Variants in IQCB1 observed in about 807,000 individuals in gnomAD.
The protein encoded by IQCB1 is IQ calmodulin-binding motif-containing protein 1.
IQCB1 carries 56 observed loss-of-function variants against 84.4 expected under a neutral mutation model. That is an observed-to-expected ratio of 0.66 (90% CI 0.54 to 0.83). The LOEUF (loss-of-function observed/expected upper bound fraction) is 0.83. IQCB1 is among the 40% of genes least tolerant of loss of function. IQCB1 has a pLI of 0.00. For missense variants in IQCB1, 629 were observed against 682.1 expected (o/e 0.92, Z 0.87); for synonymous variants, 210 against 234.8 (o/e 0.89, Z 0.96).
chr3:121,806,458 T>C (rs1362598727), intron 7 of IQCB1, among the ~76,000 whole-genome samples: 3 of 152,158 alleles, frequency 2.0e-5, no homozygotes, highest in East Asian at 1.9e-4. Context: ...CCGAGCTTGC[T>C]AGTCACCTCC....
intron 7 of IQCB1, among the ~76,000 whole-genome samples, chr3:121,800,548 C>T (rs766307185): frequency 1.6e-4 from 24 of 151,756 alleles, no homozygotes; most frequent in Admixed American, 2.6e-4. Context: ...CATGCTATTC[C>T]CTATGCCTAG....
Position 121,772,733 on chromosome 3 carries a change from A to G in IQCB1, c.1411-20T>C. The G allele has an allele frequency of 6.2e-7, 1 of 1,613,726 alleles. No homozygotes were observed. Among genetic ancestry groups the G allele is most frequent in the Non-Finnish European group, 8.5e-7 (1 of 1,179,812 alleles). ...AGAGCCCTGGAAACACAGGACAGAA[A>G]AACCTGTCACAGAGAGGACATAGGT... is the stretch of plus-strand genomic sequence containing the variant. On this transcript the variant is annotated intron_variant, in intron 13 of 14. Coordinates refer to ENST00000310864, the MANE Select transcript of IQCB1 (RefSeq NM_001023570.4).
Position 121,808,997 on chromosome 3 carries a change from C to G in IQCB1, c.406G>C (p.Asp136His), listed in dbSNP as rs774439677. ...FINAAKAEEK[D>H]ELLHFFQIVT... Reference sequence around the variant, plus strand: ...ATTTGGAAAAAGTGTAGTAATTCATCTTTTTCTTCAGCCTTAACATAAAAG... The same window carrying G: ...ATTTGGAAAAAGTGTAGTAATTCATGTTTTTCTTCAGCCTTAACATAAAAG... The change falls in exon 6 of 15, where the codon GAT becomes CAT. Residue 136 changes from aspartate (D) to histidine (H), a missense_variant. By Grantham distance (81) the Asp-to-His change is moderately conservative (BLOSUM62 -1). Transcript: ENST00000310864. 3 of 1,600,304 alleles carry G rather than the reference C, an allele frequency of 1.9e-6. No individual in the cohort carries two copies. In the South Asian group the frequency reaches 3.3e-5, roughly 18 times the overall value.
In IQCB1 at chr3:121,781,777, T is replaced by C; in HGVS notation, c.1376A>G (p.Lys459Arg). 1.2e-6 allele frequency: 2 copies of C among 1,613,868 alleles called. No individual in the cohort carries two copies. Among genetic ancestry groups the C allele is most frequent in the Non-Finnish European group, 1.7e-6 (2 of 1,179,806 alleles). Residue 459 changes from lysine to arginine, a missense_variant, in exon 13 of 15, where the codon AAG becomes AGG. Lys to Arg is a conservative substitution (Grantham distance 26). Transcript: ENST00000310864. ...ELTDARRVEL[K>R]KRVDDYVRRH... is the part of the protein sequence containing the mutation. Reference sequence around the variant, plus strand: ...TCTGACATAGTCATCCACTCGTTTCTTCAGTTCAACTCGGCGTGCATCAGT... The same window carrying C: ...TCTGACATAGTCATCCACTCGTTTCCTCAGTTCAACTCGGCGTGCATCAGT...
rs760120237 is a variant in IQCB1 at position 121,828,875 on chromosome 3, A to G, written c.86T>C (p.Leu29Pro). ...KSPEQNVPVILLKLKEIINIT... is the reference protein window; with the variant it reads ...KSPEQNVPVIPLKLKEIINIT... ...GATTTTCTTACCTTTTAACTTCAAC[A>G]GTATAACAGGGACATTCTGCTCAGG... Residue 29 changes from leucine (L) to proline (P), a missense_variant, in exon 3 of 15, where the codon CTG (leucine) becomes CCG (proline). Coordinates refer to ENST00000310864, the MANE Select transcript of IQCB1 (RefSeq NM_001023570.4). 1.3e-6 allele frequency: 2 copies of G among 1,592,650 alleles called. No individual in the cohort carries two copies. The highest frequency in any genetic ancestry group is 3.3e-5 in the Admixed American group (2 of 59,974).
intron 5 of IQCB1, among the ~76,000 whole-genome samples, chr3:121,823,322 A>T (rs1950341628): frequency 6.6e-6 from 1 of 152,196 alleles, no homozygotes; most frequent in Non-Finnish European, 1.5e-5. Context: ...ATATGAATAC[A>T]TTAACTCAGA....
intron 13 of IQCB1, among the ~76,000 whole-genome samples, chr3:121,781,005 A>G (rs181633731): frequency 1.8e-3 from 270 of 152,364 alleles, no homozygotes; most frequent in Non-Finnish European, 2.3e-3. Flanking sequence ...ATTCTGATAG[A>G]TTGAAATGTA....
At chr3:121,817,197 G>T (rs1950097343) in intron 5 of IQCB1, among the ~76,000 whole-genome samples, 2 of 152,146 alleles carry the variant, frequency 1.3e-5, no homozygotes, top group Admixed American at 1.3e-4. Context: ...TCATAAGCGG[G>T]AGTTGAACAA....
Position 121,793,553 on chromosome 3 carries a change from G to A in IQCB1, c.986+1904C>T, listed in dbSNP as rs537252275. 1.1e-3 allele frequency among the ~76,000 whole-genome samples: 169 copies of A among 152,256 alleles called. 1 individual carries two copies. The highest frequency in any genetic ancestry group is 6.8e-3 in the Middle Eastern group (2 of 294). On this transcript the variant is annotated intron_variant, in intron 10 of 14. Coordinates refer to ENST00000310864, the MANE Select transcript of IQCB1 (RefSeq NM_001023570.4). ...GCATGAACTGTTACAACTAATAGAA[G>A]AGCGAAGGTGCTGAACTGGAGAAAA... is the stretch of plus-strand genomic sequence containing the variant.
intron 3 of IQCB1, 65 bp downstream of exon 3, chr3:121,828,796 A>T: frequency 8.9e-7 from 1 of 1,128,130 alleles, no homozygotes; most frequent in Non-Finnish European, 1.4e-6. Context: ...AAATGTTAAA[A>T]TTGTACCAAC....
At chr3:121,778,160 T>G (rs1948307251) in intron 13 of IQCB1, among the ~76,000 whole-genome samples, 1 of 152,152 alleles carries the variant, frequency 6.6e-6, no homozygotes, top group African/African-American at 2.4e-5. Flanking sequence ...CTCCTGGCCT[T>G]GGCATTCCAA....
At chr3:121,770,598 G>C (rs182873272) in intron 14 of IQCB1, 24 bp from the exon 15 acceptor site, 412 of 1,575,966 alleles carry the variant, frequency 2.6e-4, no homozygotes, top group Non-Finnish European at 3.4e-4. Flanking sequence ...AAAATAAACA[G>C]ATGAGCAGAA....
At chr3:121,774,072 G>GA (rs1948121796) in intron 13 of IQCB1, among the ~76,000 whole-genome samples, 1 of 136,544 alleles carries the variant, frequency 7.3e-6, no homozygotes, top group African/African-American at 2.7e-5. Flanking sequence ...AAAACAACCT[G>GA]ATTAAAAAAT....
chr3:121,796,041 A>G (rs757084220), intron 9 of IQCB1, among the ~76,000 whole-genome samples: 2 of 152,026 alleles, frequency 1.3e-5, no homozygotes, highest in Non-Finnish European at 2.9e-5. Flanking sequence ...TCTTGACTGA[A>G]TTCTGTCCCA....
At chr3:121,801,542 C>T (rs904305790) in intron 7 of IQCB1, among the ~76,000 whole-genome samples, 1 of 151,940 alleles carries the variant, frequency 6.6e-6, no homozygotes, top group African/African-American at 2.4e-5. Context: ...AAAACATTCA[C>T]CAAGTCATCA....
At chr3:121,785,434 T>C (rs1175733042) in intron 12 of IQCB1, among the ~76,000 whole-genome samples, 1 of 152,104 alleles carries the variant, frequency 6.6e-6, no homozygotes, top group Non-Finnish European at 1.5e-5. Context: ...TTTGTATTTT[T>C]AGTAGAGATG....
intron 10 of IQCB1, among the ~76,000 whole-genome samples, chr3:121,790,848 A>C (rs1301233896): frequency 6.6e-6 from 1 of 152,176 alleles, no homozygotes; most frequent in Non-Finnish European, 1.5e-5. Flanking sequence ...ATTACAGTTG[A>C]TCTTTATTTT....
In IQCB1 at chr3:121,788,449, CACT is replaced by C; in HGVS notation, c.1130-20_1130-18del. 6.2e-7 allele frequency: 1 copy of C among 1,609,508 alleles called. No individual in the cohort carries two copies. Among genetic ancestry groups the C allele is most frequent in the Non-Finnish European group, 8.5e-7 (1 of 1,176,218 alleles). ...CCACCTGACCTAAAAAGATGATAGA[CACT>C]ATTACAACATACTCACTGCCATGCT... On this transcript the variant is annotated intron_variant, in intron 11 of 14. Transcript: ENST00000310864.
At position 121,828,583 on chromosome 3, in the gene IQCB1, T is replaced by C. The variant is rs766911598; in HGVS notation, c.150A>G (p.Lys50=). 1.9e-5 allele frequency: 30 copies of C among 1,604,594 alleles called. 1 individual carries two copies. In the South Asian group the frequency reaches 2.3e-4, roughly 12 times the overall value. The change falls in exon 4 of 15, where the codon AAA becomes AAG. Residue 50 remains lysine (K), a synonymous_variant. Transcript: ENST00000310864. The part of the protein sequence containing the change: ...PLGSSELKKI[K]QDIYCYDLIQ... ...TGAGATCATAACAATATATATCTTG[T>C]TTGATTTTCTTCAACTCTGAGCTTC...
Sources: gnomAD v4.1 joint callset for allele counts (sites outside exome capture counted in the v4.1 genomes callset) on GRCh38, gnomAD v4.1.1 for gene constraint, MANE v1.5 for transcripts, NCBI Gene and HGNC (gene_info 2026-07-23, HGNC 2026-07-21) for gene names.